The following TMEM178A variants were observed in gnomAD, a reference collection of about 807,000 sequenced individuals.
The protein encoded by TMEM178A is transmembrane protein 178A.
A neutral mutation model predicts 29.1 loss-of-function variants in TMEM178A; 12 were observed. The observed-to-expected ratio is 0.41, with a 90% CI of 0.26 to 0.67. TMEM178A has a LOEUF of 0.67. Ranked by LOEUF, TMEM178A falls within the 30% of genes least tolerant of loss-of-function variation. The pLI, the probability that TMEM178A is intolerant of heterozygous loss-of-function variation, is 0.29. For missense variants in TMEM178A, 366 were observed against 419.1 expected (o/e 0.87, Z 1.11); for synonymous variants, 210 against 187.2 (o/e 1.12, Z -0.99).
chr2:39,683,073 G>A (rs1670937063), intron 1 of TMEM178A, among the ~76,000 whole-genome samples: 1 of 152,184 alleles, frequency 6.6e-6, no homozygotes, highest in South Asian at 2.1e-4. Context: ...TGATCTTCAG[G>A]ACTACTTGCG....
At chr2:39,731,892 G>A in the TMEM178A span, among the ~76,000 whole-genome samples, 1 of 152,152 alleles carries the variant, frequency 6.6e-6, no homozygotes, top group Non-Finnish European at 1.5e-5. Context: ...GAAAGGGTAG[G>A]GCACTGGGCA....
At chr2:39,733,116 A>G in the TMEM178A span, among the ~76,000 whole-genome samples, 1 of 152,308 alleles carries the variant, frequency 6.6e-6, no homozygotes, top group Admixed American at 6.5e-5. Flanking sequence ...ACACTGGGTA[A>G]GTTACCGGAT....
At chr2:39,723,875 C>A in the TMEM178A span, among the ~76,000 whole-genome samples, 1 of 152,210 alleles carries the variant, frequency 6.6e-6, no homozygotes, top group Admixed American at 6.5e-5. Context: ...TCTGAGCCTA[C>A]TGTCAACATG....
downstream of TMEM178A, among the ~76,000 whole-genome samples, chr2:39,722,354 G>A (rs1336577646): frequency 3.9e-5 from 6 of 152,142 alleles, no homozygotes; most frequent in African/African-American, 1.4e-4. Context: ...AAACTGCTAA[G>A]TTTTATGGTT....
chr2:39,714,418 A>C (rs1672445494), intron 3 of TMEM178A, among the ~76,000 whole-genome samples: 2 of 152,338 alleles, frequency 1.3e-5, no homozygotes, highest in South Asian at 4.1e-4. Flanking sequence ...AAAGTAAGAC[A>C]AAGGGACAAT....
rs143133958 is a variant in TMEM178A, at chr2:39,711,159, C to A, written c.652+3973C>A. ...CAGGCACAGAAGCATACACAGGTGACTGAGGGAATAAGACTCTTATCTTCC... is the reference window on the plus strand; with the variant it reads ...CAGGCACAGAAGCATACACAGGTGAATGAGGGAATAAGACTCTTATCTTCC... On this transcript the variant is annotated intron_variant, in intron 3 of 3. Transcript: ENST00000281961. 7.0e-4 allele frequency among the ~76,000 whole-genome samples: 106 copies of A among 152,332 alleles called. No homozygotes were observed. In the East Asian group the frequency reaches 0.019, roughly 27 times the overall value.
chr2:39,679,670 A>T (rs1670787556), intron 1 of TMEM178A, among the ~76,000 whole-genome samples: 1 of 152,162 alleles, frequency 6.6e-6, no homozygotes, highest in Non-Finnish European at 1.5e-5. Context: ...CAGTTTTCAG[A>T]AGACGGAAAC....
chr2:39,685,291 C>T (rs1474222961), intron 1 of TMEM178A, among the ~76,000 whole-genome samples: 1 of 152,154 alleles, frequency 6.6e-6, no homozygotes, highest in East Asian at 1.9e-4. Flanking sequence ...ACCACAAAAC[C>T]CTGTGCATGC....
intron 2 of TMEM178A, among the ~76,000 whole-genome samples, chr2:39,706,533 C>T (rs540698083): frequency 5.9e-5 from 9 of 152,204 alleles, no homozygotes; most frequent in Non-Finnish European, 1.0e-4. Context: ...CTGTGGTGAT[C>T]AGATAAAACC....
At chr2:39,725,905 T>C in the TMEM178A span, among the ~76,000 whole-genome samples, 1 of 152,182 alleles carries the variant, frequency 6.6e-6, no homozygotes, top group Non-Finnish European at 1.5e-5. Flanking sequence ...ACACATGTGG[T>C]CAAATGAATG....
At chr2:39,703,977 C>A in intron 1 of TMEM178A, 104 bp from the exon 2 acceptor site, 1 of 766,744 alleles carries the variant, frequency 1.3e-6, no homozygotes, top group Non-Finnish European at 2.2e-6. Context: ...ATTCTTATCC[C>A]ATCTCCCATT....
chr2:39,733,609 T>C, the TMEM178A span, among the ~76,000 whole-genome samples: 9 of 152,212 alleles, frequency 5.9e-5, no homozygotes, highest in Non-Finnish European at 1.3e-4. Flanking sequence ...CTTATTTACT[T>C]ACATATTTAT....
chr2:39,723,793 C>T, the TMEM178A span, among the ~76,000 whole-genome samples: 1 of 152,164 alleles, frequency 6.6e-6, no homozygotes, highest in Non-Finnish European at 1.5e-5. Context: ...AAAATCCTTC[C>T]ACCTTCCTGC....
rs755363891 is a variant in TMEM178A, at chr2:39,666,001, G to C, written c.27G>C (p.Ala9=). 29 of 1,463,884 alleles carry C rather than the reference G, an allele frequency of 2.0e-5. No individual in the cohort carries two copies. In the South Asian group the frequency reaches 3.3e-4, roughly 17 times the overall value. The allele number at this position is 1,463,884 out of a possible 1,614,324, so 90.7% of individuals were successfully genotyped here. The part of the protein sequence containing the change: MEPRALVT[A]LSLGLSLCSL... ...TGGAGCCGCGGGCGCTCGTCACGGC[G>C]CTCAGCCTCGGCCTCAGCCTGTGCT... Residue 9 remains alanine (A), a synonymous_variant, in exon 1 of 4, where the codon GCG becomes GCC. Transcript: ENST00000281961.
intron 1 of TMEM178A, among the ~76,000 whole-genome samples, chr2:39,672,224 A>G (rs1255699829): frequency 2.0e-5 from 3 of 152,232 alleles, no homozygotes; most frequent in East Asian, 1.9e-4. Flanking sequence ...CTATCTGCAC[A>G]CAGGAATTGT....
the TMEM178A span, among the ~76,000 whole-genome samples, chr2:39,725,694 G>C: frequency 6.6e-6 from 1 of 152,210 alleles, no homozygotes; most frequent in Non-Finnish European, 1.5e-5. Flanking sequence ...GCATCACTAA[G>C]ATGGTGATCC....
the TMEM178A span, among the ~76,000 whole-genome samples, chr2:39,734,117 T>C: frequency 2.0e-5 from 3 of 152,224 alleles, no homozygotes; most frequent in African/African-American, 4.8e-5. Context: ...GAACTGTCTA[T>C]GCTCACTATC....
downstream of TMEM178A, among the ~76,000 whole-genome samples, chr2:39,721,628 T>G (rs1232011372): frequency 2.0e-5 from 3 of 151,986 alleles, no homozygotes; most frequent in African/African-American, 7.3e-5. Flanking sequence ...AGTAAAGAGT[T>G]TGGGTTTTAC....
intron 3 of TMEM178A, among the ~76,000 whole-genome samples, chr2:39,710,481 G>A (rs1436936298): frequency 1.3e-5 from 2 of 152,190 alleles, no homozygotes; most frequent in African/African-American, 2.4e-5. Context: ...GAAGAAAGGG[G>A]AGGGGATGGA....
Sources: allele counts gnomAD v4.1 joint callset (sites outside exome capture counted in the v4.1 genomes callset), GRCh38; gene constraint gnomAD v4.1.1; transcripts MANE v1.5; gene names NCBI Gene and HGNC (gene_info 2026-07-23, HGNC 2026-07-21).